TBX15: variants seen among roughly 807,000 people sequenced by gnomAD.
TBX15 encodes the protein T-box transcription factor TBX15.
In TBX15, 18 loss-of-function variants were observed where a neutral mutation model predicts 53.9. That is an observed-to-expected ratio of 0.33 (90% CI 0.23 to 0.49). The LOEUF is 0.49. Ranked by LOEUF, TBX15 falls within the 20% of genes least tolerant of loss-of-function variation. The pLI, the probability that TBX15 is intolerant of heterozygous loss-of-function variation, is 0.98. For synonymous variants in TBX15, 295 were observed against 278.0 expected, an observed-to-expected ratio of 1.06 and a Z score of -0.61; for missense variants, 692 against 749.5, an observed-to-expected ratio of 0.92 and a Z score of 0.90.
At chr1:118,908,921 C>CACACACACAA (rs1491324134) in intron 6 of TBX15, among the ~76,000 whole-genome samples, 1 of 42,300 alleles carries the variant, frequency 2.4e-5, no homozygotes, top group African/African-American at 7.6e-5. Context: ...ACTCAACATT[C>CACACACACAA]ACACACACAC....
intron 6 of TBX15, among the ~76,000 whole-genome samples, chr1:118,906,687 A>G (rs1463982829): frequency 6.6e-6 from 1 of 152,198 alleles, no homozygotes; most frequent in Non-Finnish European, 1.5e-5. Flanking sequence ...ACCTCATTAA[A>G]CATTCTCTTT....
chr1:118,914,252 C>T, intron 5 of TBX15, 73 bp from the exon 6 acceptor site: 2 of 1,360,890 alleles, frequency 1.5e-6, no homozygotes, highest in South Asian at 2.4e-5. Flanking sequence ...TAGAAAATTA[C>T]AAAAATCACT....
At chr1:118,979,611 G>A (rs1248229813) in intron 1 of TBX15, among the ~76,000 whole-genome samples, 1 of 152,198 alleles carries the variant, frequency 6.6e-6, no homozygotes, top group Non-Finnish European at 1.5e-5. Context: ...CTGGTTTGTC[G>A]TTGGCGGGTT....
chr1:118,957,007 A>G lies in TBX15; in HGVS notation c.206-25175T>C, dbSNP rs190238702. ...AAATCCACTAACACTTCAAGATTACAGAAGTCACAACAAAAGAACATTCAG... is the reference window on the plus strand; with the variant it reads ...AAATCCACTAACACTTCAAGATTACGGAAGTCACAACAAAAGAACATTCAG... On this transcript the variant is annotated intron_variant, in intron 1 of 7. Coordinates refer to ENST00000369429, the MANE Select transcript of TBX15 (RefSeq NM_001330677.2). Among the ~76,000 whole-genome samples the G allele has an allele frequency of 2.2e-4, 33 of 152,236 alleles. No individual in the cohort carries two copies. In the East Asian group the frequency reaches 5.2e-3, roughly 24 times the overall value.
chr1:118,980,312 C>T (rs1657604765), intron 1 of TBX15, among the ~76,000 whole-genome samples: 1 of 152,118 alleles, frequency 6.6e-6, no homozygotes, highest in Admixed American at 6.5e-5. Flanking sequence ...TCGGTTCATC[C>T]AGTTGACAAC....
chr1:118,975,626 T>G (rs1485370160), intron 1 of TBX15, among the ~76,000 whole-genome samples: 1 of 152,212 alleles, frequency 6.6e-6, no homozygotes, highest in African/African-American at 2.4e-5. Context: ...TTTAATCTGT[T>G]AAGCCTCAAT....
chr1:118,984,771 G>C (rs1447984992), intron 1 of TBX15, among the ~76,000 whole-genome samples: 2 of 152,200 alleles, frequency 1.3e-5, no homozygotes, highest in Non-Finnish European at 2.9e-5. Context: ...ACCAGGCTCG[G>C]TGGAATTTTT....
At chr1:118,987,564 T>C in intron 1 of TBX15, 27 bp downstream of exon 1, 8 of 1,536,250 alleles carry the variant, frequency 5.2e-6, no homozygotes, top group Non-Finnish European at 7.0e-6. Context: ...TCCGCCCGCC[T>C]CCCGCGGTCG....
intron 1 of TBX15, among the ~76,000 whole-genome samples, chr1:118,938,512 C>A (rs1466780881): frequency 6.6e-6 from 1 of 152,168 alleles, no homozygotes; most frequent in Non-Finnish European, 1.5e-5. Context: ...TCTTGCTGAG[C>A]AGACAAAGGC....
rs375062885 is a variant in TBX15 at position 118,884,748 on chromosome 1, G to A, written c.1793C>T (p.Ser598Phe). The A allele has an allele frequency of 6.1e-5, 99 of 1,613,966 alleles. No individual in the cohort carries two copies. The highest frequency in any genetic ancestry group is 9.3e-6 in the Non-Finnish European group (11 of 1,180,016). Residue 598 changes from serine (S) to phenylalanine (F), a missense_variant, in exon 8 of 8, where the codon TCC becomes TTC. By Grantham distance (155) the Ser-to-Phe change is radical. Coordinates refer to ENST00000369429, the MANE Select transcript of TBX15 (RefSeq NM_001330677.2). Reference protein sequence around the residue: ...GAVPGSSSQMSVHMV With the variant: ...GAVPGSSSQMFVHMV Reference sequence around the variant, plus strand: ...GACTGGCCTTTAAACCATGTGCACGGACATCTGGGAGGAGGAGCCTGGAAC... The same window carrying A: ...GACTGGCCTTTAAACCATGTGCACGAACATCTGGGAGGAGGAGCCTGGAAC...
intron 6 of TBX15, among the ~76,000 whole-genome samples, chr1:118,905,335 A>T (rs115205095): frequency 6.6e-6 from 1 of 152,198 alleles, no homozygotes; most frequent in African/African-American, 2.4e-5. Flanking sequence ...CGATGACACC[A>T]TCCCTGGGCA....
In TBX15 at chr1:118,910,881, G is replaced by C. The variant is rs1338485850; in HGVS notation, c.926+3234C>G. ...CTAGGAAAACACTTACTTACATGGG[G>C]ATAGAAAGTTGATAAAGAAGTCATG... On this transcript the variant is annotated intron_variant, in intron 6 of 7. Coordinates refer to ENST00000369429, the MANE Select transcript of TBX15 (RefSeq NM_001330677.2). 3.3e-5 allele frequency among the ~76,000 whole-genome samples: 5 copies of C among 152,152 alleles called. No individual in the cohort carries two copies. The South Asian group carries it at 6.2e-4, about 19-fold the overall frequency.
chr1:118,955,308 T>C (rs1185491453), intron 1 of TBX15, among the ~76,000 whole-genome samples: 4 of 152,086 alleles, frequency 2.6e-5, no homozygotes, highest in African/African-American at 4.8e-5. Flanking sequence ...ATTTTGCTCA[T>C]ACAAGGGAAA....
chr1:118,979,463 C>G (rs1657566232), intron 1 of TBX15, among the ~76,000 whole-genome samples: 1 of 152,028 alleles, frequency 6.6e-6, no homozygotes, highest in South Asian at 2.1e-4. Context: ...GTTCTTCAAG[C>G]CAGCGGATTC....
chr1:118,938,524 C>T (rs1249221072), intron 1 of TBX15, among the ~76,000 whole-genome samples: 1 of 152,184 alleles, frequency 6.6e-6, no homozygotes, highest in Non-Finnish European at 1.5e-5. Context: ...GACAAAGGCT[C>T]AATGCCATTA....
intron 1 of TBX15, among the ~76,000 whole-genome samples, chr1:118,936,236 C>G (rs1465008223): frequency 6.6e-6 from 1 of 152,128 alleles, no homozygotes; most frequent in Non-Finnish European, 1.5e-5. Flanking sequence ...ACCACCAAGT[C>G]TAACAAAAGC....
chr1:118,887,672 A>C (rs1455360794), intron 7 of TBX15, among the ~76,000 whole-genome samples: 6 of 88,678 alleles, frequency 6.8e-5, no homozygotes, highest in African/African-American at 4.3e-4. Flanking sequence ...CAAAACTCTC[A>C]AAAAAAAAAA....
At chr1:118,972,358 C>T (rs1053254901) in intron 1 of TBX15, among the ~76,000 whole-genome samples, 1 of 152,076 alleles carries the variant, frequency 6.6e-6, no homozygotes, top group Non-Finnish European at 1.5e-5. Flanking sequence ...TTAAAATGAT[C>T]CTGTCATATT....
chr1:118,902,123 A>G (rs1004614653), intron 6 of TBX15, among the ~76,000 whole-genome samples: 2 of 152,108 alleles, frequency 1.3e-5, no homozygotes, highest in African/African-American at 4.8e-5. Context: ...ATATTATCCT[A>G]CAGAGAATAA....
Sources: gnomAD v4.1 joint callset for allele counts (sites outside exome capture counted in the v4.1 genomes callset) on GRCh38, gnomAD v4.1.1 for gene constraint, MANE v1.5 for transcripts, NCBI Gene and HGNC (gene_info 2026-07-23, HGNC 2026-07-21) for gene names.